Variants in MACROD2 observed in about 807,000 individuals in gnomAD.
MACROD2 encodes the protein mono-ADP ribosylhydrolase 2.
A neutral mutation model predicts 70.4 loss-of-function variants in MACROD2; 36 were observed. That is an observed-to-expected ratio of 0.51 (90% CI 0.39 to 0.68). MACROD2 has a LOEUF of 0.68. Among genes scored for constraint, MACROD2 ranks in the 30% least tolerant of loss-of-function variants. The pLI, the probability that MACROD2 is intolerant of heterozygous loss-of-function variation, is 0.00. For missense variants in MACROD2, 496 were observed against 538.4 expected (o/e 0.92, Z 0.78); for synonymous variants, 172 against 178.8 (o/e 0.96, Z 0.30).
intron 3 of MACROD2, among the ~76,000 whole-genome samples, chr20:14,305,812 C>T (rs1018992441): frequency 6.6e-6 from 1 of 151,930 alleles, no homozygotes; most frequent in African/African-American, 2.4e-5. Context: ...ATTGATTCTC[C>T]TGGTGTTTGG....
chr20:15,994,973 ATTAT>A (rs1331163617), intron 15 of MACROD2, among the ~76,000 whole-genome samples: 1 of 152,192 alleles, frequency 6.6e-6, no homozygotes, highest in Admixed American at 6.5e-5. Flanking sequence ...GAAATATAGT[ATTAT>A]TTATTTCACA....
chr20:15,218,011 C>T (rs2076826008), intron 5 of MACROD2, among the ~76,000 whole-genome samples: 1 of 152,122 alleles, frequency 6.6e-6, no homozygotes, highest in African/African-American at 2.4e-5. Context: ...ATGTCAGGCC[C>T]AAAATAGGCA....
intron 8 of MACROD2, among the ~76,000 whole-genome samples, chr20:15,679,879 A>G (rs1000575501): frequency 2.6e-5 from 4 of 152,262 alleles, no homozygotes; most frequent in African/African-American, 9.6e-5. Flanking sequence ...CAGAAATGTG[A>G]GAAAATAAAA....
At chr20:15,426,896 C>T (rs2146349901) in intron 6 of MACROD2, among the ~76,000 whole-genome samples, 1 of 152,244 alleles carries the variant, frequency 6.6e-6, no homozygotes, top group Non-Finnish European at 1.5e-5. Flanking sequence ...TCATGCTACT[C>T]ACTTCTGATG....
At chr20:14,409,627 C>T (rs1461043299) in intron 3 of MACROD2, among the ~76,000 whole-genome samples, 1 of 152,070 alleles carries the variant, frequency 6.6e-6, no homozygotes, top group African/African-American at 2.4e-5. Context: ...TAGCATGACA[C>T]TTTGAGTCAG....
At chr20:15,159,754 GCACACA>G (rs879639103) in intron 5 of MACROD2, among the ~76,000 whole-genome samples, 1 of 150,818 alleles carries the variant, frequency 6.6e-6, no homozygotes, top group Non-Finnish European at 1.5e-5. Context: ...ATACACATGG[GCACACA>G]CACACACGCA....
chr20:16,015,786 C>T (rs1056744276), intron 15 of MACROD2, among the ~76,000 whole-genome samples: 2 of 151,966 alleles, frequency 1.3e-5, no homozygotes, highest in Non-Finnish European at 2.9e-5. Flanking sequence ...ATAACATTAT[C>T]GAAGCTGAGT....
chr20:15,172,024 G>T (rs2076426184), intron 5 of MACROD2, among the ~76,000 whole-genome samples: 1 of 152,316 alleles, frequency 6.6e-6, no homozygotes, highest in East Asian at 1.9e-4. Flanking sequence ...TTCCAGAAGG[G>T]AAATATTAAA....
At chr20:14,690,917 T>A (rs562229909) in intron 5 of MACROD2, among the ~76,000 whole-genome samples, 3 of 152,328 alleles carry the variant, frequency 2.0e-5, no homozygotes, top group South Asian at 4.1e-4. Context: ...CTTTTATTTT[T>A]ATTTTTTTCT....
intron 4 of MACROD2, among the ~76,000 whole-genome samples, chr20:14,657,411 A>T (rs6042840): frequency 0.02 from 3,001 of 152,280 alleles, 104 homozygotes; most frequent in African/African-American, 0.068. Context: ...ATAAACCAGT[A>T]GTTTCTGTTT....
At chr20:14,083,142 G>A (rs912776630) in intron 2 of MACROD2, among the ~76,000 whole-genome samples, 1 of 144,528 alleles carries the variant, frequency 6.9e-6, no homozygotes. Context: ...AAAAAAAAAG[G>A]TAGTTTTGGC....
chr20:14,978,864 A>T (rs1362353758), intron 5 of MACROD2, among the ~76,000 whole-genome samples: 1 of 125,254 alleles, frequency 8.0e-6, no homozygotes, highest in Non-Finnish European at 1.6e-5. Flanking sequence ...TATATATATA[A>T]TATATTATAT....
intron 5 of MACROD2, among the ~76,000 whole-genome samples, chr20:15,133,553 C>T (rs2076122434): frequency 6.6e-6 from 1 of 152,092 alleles, no homozygotes; most frequent in African/African-American, 2.4e-5. Flanking sequence ...ATAAAGGACT[C>T]TCAATTCTGA....
At chr20:14,590,853 A>C (rs1981720704) in intron 4 of MACROD2, among the ~76,000 whole-genome samples, 1 of 152,154 alleles carries the variant, frequency 6.6e-6, no homozygotes, top group Non-Finnish European at 1.5e-5. Flanking sequence ...AGATAGTTTA[A>C]GTTTCAGGTA....
At chr20:14,955,160 A>G (rs1328738203) in intron 5 of MACROD2, among the ~76,000 whole-genome samples, 1 of 104,726 alleles carries the variant, frequency 9.5e-6, no homozygotes, top group Admixed American at 1.1e-4. Flanking sequence ...TATGTACTTT[A>G]TATAATTTAT....
At chr20:15,060,470 C>T (rs535616849) in intron 5 of MACROD2, among the ~76,000 whole-genome samples, 6 of 152,290 alleles carry the variant, frequency 3.9e-5, no homozygotes, top group South Asian at 2.1e-4. Flanking sequence ...GCAACAGCCT[C>T]GGGGCATTTC....
chr20:15,045,664 A>T (rs1401667750), intron 5 of MACROD2, among the ~76,000 whole-genome samples: 1 of 151,084 alleles, frequency 6.6e-6, no homozygotes, highest in African/African-American at 2.4e-5. Context: ...TAGATTTTTA[A>T]TCAAACAAAT....
chr20:13,996,448 C>T (rs2052656795), intron 1 of MACROD2: 1 of 156,234 alleles, frequency 6.4e-6, no homozygotes, highest in Non-Finnish European at 1.4e-5. Context: ...TCAGAGAAGT[C>T]TGAATGGGCT....
chr20:14,570,114 C>T (rs1229324742), intron 4 of MACROD2, among the ~76,000 whole-genome samples: 2 of 151,930 alleles, frequency 1.3e-5, no homozygotes, highest in Non-Finnish European at 2.9e-5. Context: ...GTGGAAACAA[C>T]AGTACAATAG....
Sources: gnomAD v4.1 joint callset for allele counts (sites outside exome capture counted in the v4.1 genomes callset) on GRCh38, gnomAD v4.1.1 for gene constraint, MANE v1.5 for transcripts, NCBI Gene and HGNC (gene_info 2026-07-23, HGNC 2026-07-21) for gene names.